Variants in CMSS1 observed in about 807,000 individuals in gnomAD.
CMSS1 encodes the protein protein CMSS1.
In CMSS1, 33 loss-of-function variants were observed where a neutral mutation model predicts 43.5. The ratio of observed to expected loss-of-function variants is 0.76; its 90% CI spans 0.57 to 1.01. The LOEUF (loss-of-function observed/expected upper bound fraction) is 1.01. Ranked by LOEUF, CMSS1 falls within the 50% of genes least tolerant of loss-of-function variation. CMSS1 has a pLI of 0.00. For missense variants in CMSS1, 313 were observed against 326.4 expected (o/e 0.96, Z 0.32); for synonymous variants, 115 against 117.2 (o/e 0.98, Z 0.12).
At chr3:100,178,218 A>G (rs2067163677) in intron 9 of CMSS1, 87 bp from the exon 10 acceptor site, 2 of 731,340 alleles carry the variant, frequency 2.7e-6, no homozygotes, top group Non-Finnish European at 4.8e-6. Flanking sequence ...CTGGGTAAAT[A>G]TCAGGGAGTC....
intron 1 of CMSS1, among the ~76,000 whole-genome samples, chr3:99,952,577 C>T (rs1385492859): frequency 6.6e-6 from 1 of 152,096 alleles, no homozygotes; most frequent in Non-Finnish European, 1.5e-5. Flanking sequence ...ACTTCTGGTG[C>T]TAGAAAACAC....
chr3:99,999,385 G>T (rs1709777371), intron 1 of CMSS1, among the ~76,000 whole-genome samples: 2 of 152,310 alleles, frequency 1.3e-5, no homozygotes, highest in South Asian at 2.1e-4. Context: ...GAGTTGGTGT[G>T]CAATAGTAGT....
At chr3:100,051,896 ATATT>A (rs1170250068) in intron 1 of CMSS1, among the ~76,000 whole-genome samples, 1 of 148,584 alleles carries the variant, frequency 6.7e-6, no homozygotes, top group African/African-American at 2.4e-5. Context: ...TATATGTCAT[ATATT>A]TATTAATATG....
chr3:99,930,881 A>T (rs1454107534), intron 1 of CMSS1: 1 of 1,612,954 alleles, frequency 6.2e-7, no homozygotes. Flanking sequence ...ACACGGAAGT[A>T]TTACATCCGA....
intron 1 of CMSS1, chr3:99,929,732 T>G: frequency 1.6e-6 from 1 of 627,306 alleles, no homozygotes. Context: ...ATCTGTTTTG[T>G]GTAGGCTTTA....
intron 1 of CMSS1, among the ~76,000 whole-genome samples, chr3:99,936,369 CTT>C (rs548149257): frequency 8.1e-5 from 7 of 86,382 alleles, no homozygotes; most frequent in African/African-American, 2.4e-4. Context: ...AGCTTGAAGC[CTT>C]TTTTTTTTTT....
intron 1 of CMSS1, among the ~76,000 whole-genome samples, chr3:100,136,239 C>T (rs891998814): frequency 6.6e-6 from 1 of 151,656 alleles, no homozygotes; most frequent in Non-Finnish European, 1.5e-5. Context: ...AGTTTTTTGC[C>T]GTATGTTAGA....
intron 1 of CMSS1, among the ~76,000 whole-genome samples, chr3:99,938,751 G>A (rs988904124): frequency 4.6e-5 from 7 of 152,020 alleles, no homozygotes; most frequent in African/African-American, 9.7e-5. Flanking sequence ...TGTTAATAGC[G>A]CTCAGTTGCA....
At chr3:99,819,116 C>T (rs147912985) in intron 1 of CMSS1, among the ~76,000 whole-genome samples, 1 of 152,378 alleles carries the variant, frequency 6.6e-6, no homozygotes, top group East Asian at 1.9e-4. Flanking sequence ...TAACCAACTT[C>T]ATTTGTTGCA....
At chr3:100,168,067 G>T (rs2107529987) in intron 6 of CMSS1, among the ~76,000 whole-genome samples, 1 of 152,306 alleles carries the variant, frequency 6.6e-6, no homozygotes, top group South Asian at 2.1e-4. Context: ...ATGGCAAAGG[G>T]ATATAAGTAG....
At chr3:100,028,327 C>G (rs1337696880) in intron 1 of CMSS1, among the ~76,000 whole-genome samples, 1 of 152,134 alleles carries the variant, frequency 6.6e-6, no homozygotes, top group Non-Finnish European at 1.5e-5. Flanking sequence ...TTACTTAGCC[C>G]TTAACCTTTA....
intron 1 of CMSS1, among the ~76,000 whole-genome samples, chr3:100,064,195 G>T (rs1363254860): frequency 6.6e-6 from 1 of 152,166 alleles, no homozygotes; most frequent in African/African-American, 2.4e-5. Flanking sequence ...TTGTCTTCCG[G>T]GAATGTATTT....
chr3:100,123,579 A>G (rs1490356509), intron 1 of CMSS1, among the ~76,000 whole-genome samples: 1 of 152,136 alleles, frequency 6.6e-6, no homozygotes, highest in Non-Finnish European at 1.5e-5. Context: ...TGGGGGTCCA[A>G]ATACTGCCTG....
intron 1 of CMSS1, among the ~76,000 whole-genome samples, chr3:100,057,212 A>G (rs1317174798): frequency 6.6e-6 from 1 of 152,192 alleles, no homozygotes. Context: ...GGACTAGGTG[A>G]CTAAAGACCC....
chr3:100,083,852 GC>G (rs1389825878), intron 1 of CMSS1, among the ~76,000 whole-genome samples: 1 of 152,096 alleles, frequency 6.6e-6, no homozygotes, highest in African/African-American at 2.4e-5. Context: ...TAGTATTAAG[GC>G]ATGAGCCACG....
intron 1 of CMSS1, among the ~76,000 whole-genome samples, chr3:99,936,444 C>T (rs1478472600): frequency 1.5e-5 from 2 of 135,104 alleles, no homozygotes; most frequent in Non-Finnish European, 3.1e-5. Flanking sequence ...GGCACGATCT[C>T]GGCTCACTGC....
intron 1 of CMSS1, among the ~76,000 whole-genome samples, chr3:100,109,236 A>G (rs1431648468): frequency 1.3e-5 from 2 of 152,102 alleles, no homozygotes; most frequent in African/African-American, 4.8e-5. Flanking sequence ...AAATTTTTCA[A>G]TGAAAATCTG....
At chr3:100,114,642 A>C (rs2066541445) in intron 1 of CMSS1, 1 of 220,088 alleles carries the variant, frequency 4.5e-6, no homozygotes. Flanking sequence ...CTTGGCTGAG[A>C]GTAGAAACTT....
At chr3:99,948,329 A>G (rs1708071362) in intron 1 of CMSS1, among the ~76,000 whole-genome samples, 1 of 152,000 alleles carries the variant, frequency 6.6e-6, no homozygotes, top group Non-Finnish European at 1.5e-5. Flanking sequence ...TGTCTCTCCA[A>G]AAAAATAAAA....
Sources: allele counts gnomAD v4.1 joint callset (sites outside exome capture counted in the v4.1 genomes callset), GRCh38; gene constraint gnomAD v4.1.1; transcripts MANE v1.5; gene names NCBI Gene and HGNC (gene_info 2026-07-23, HGNC 2026-07-21).